PCDH15: variants seen among roughly 807,000 people sequenced by gnomAD.
PCDH15 encodes the protein protocadherin-15.
PCDH15 carries 129 observed loss-of-function variants against 178.5 expected under a neutral mutation model. The ratio of observed to expected loss-of-function variants is 0.72; its 90% confidence interval spans 0.63 to 0.84. PCDH15 has a LOEUF of 0.84. Ranked by LOEUF, PCDH15 falls within the 40% of genes least tolerant of loss-of-function variation. The probability of loss-of-function intolerance (pLI) is 0.00; values close to 1 mark genes in which losing one functional copy is unlikely to be tolerated. For missense variants in PCDH15, 2,230 were observed against 2,099.9 expected (o/e 1.06, Z -1.21); for synonymous variants, 800 against 732.0 (o/e 1.09, Z -1.50).
At chr10:55,495,965 G>A (rs1196793256) in intron 2 of PCDH15, among the ~76,000 whole-genome samples, 1 of 151,802 alleles carries the variant, frequency 6.6e-6, no homozygotes, top group African/African-American at 2.4e-5. Context: ...GTTTACAATA[G>A]GCAAATCTAT....
intron 26 of PCDH15, among the ~76,000 whole-genome samples, chr10:53,877,908 A>G (rs1259320082): frequency 6.6e-6 from 1 of 151,826 alleles, no homozygotes; most frequent in African/African-American, 2.4e-5. Context: ...CTCACTTTTA[A>G]CTCTAGCGAT....
intron 32 of PCDH15, chr10:53,823,577 G>GAA: frequency 1.6e-6 from 1 of 640,788 alleles, no homozygotes; most frequent in Non-Finnish European, 2.8e-6. Context: ...AAATGTAAAT[G>GAA]AAAAAAAAAG....
At chr10:53,998,842 A>T (rs1489625995) in intron 20 of PCDH15, among the ~76,000 whole-genome samples, 1 of 152,018 alleles carries the variant, frequency 6.6e-6, no homozygotes, top group Admixed American at 6.6e-5. Context: ...ACCCAAGGTC[A>T]GGAGTTCGAG....
At chr10:54,673,723 C>A (rs2094723750) in intron 1 of PCDH15, among the ~76,000 whole-genome samples, 1 of 152,124 alleles carries the variant, frequency 6.6e-6, no homozygotes, top group African/African-American at 2.4e-5. Flanking sequence ...CAGGTGTGAG[C>A]CACTGTGCCC....
intron 21 of PCDH15, among the ~76,000 whole-genome samples, chr10:53,966,258 C>A (rs2089004454): frequency 6.6e-6 from 1 of 152,134 alleles, no homozygotes; most frequent in African/African-American, 2.4e-5. Context: ...CATTTTGATT[C>A]TTTTATCACC....
chr10:54,230,130 A>C (rs539768376), intron 9 of PCDH15, among the ~76,000 whole-genome samples: 1 of 152,322 alleles, frequency 6.6e-6, no homozygotes, highest in South Asian at 2.1e-4. Flanking sequence ...TAAATGGACT[A>C]TTTTAAATAA....
chr10:54,839,057 CT>C (rs1953371565), intron 3 of PCDH15, among the ~76,000 whole-genome samples: 1 of 152,132 alleles, frequency 6.6e-6, no homozygotes, highest in Non-Finnish European at 1.5e-5. Flanking sequence ...TAAAACCAGT[CT>C]GTAAAGGCTA....
intron 29 of PCDH15, among the ~76,000 whole-genome samples, chr10:53,835,529 CA>C (rs11438772): frequency 4.0e-5 from 6 of 151,046 alleles, no homozygotes; most frequent in South Asian, 4.2e-4. Context: ...ACAATGTGAG[CA>C]AAAAAAACCA....
intron 2 of PCDH15, among the ~76,000 whole-genome samples, chr10:55,359,822 A>T (rs529578016): frequency 8.6e-5 from 13 of 151,036 alleles, no homozygotes; most frequent in African/African-American, 3.2e-4. Flanking sequence ...AAAGAAGGAG[A>T]TTCTGTCATT....
chr10:54,757,492 A>G (rs1340851442), intron 1 of PCDH15, among the ~76,000 whole-genome samples: 1 of 105,046 alleles, frequency 9.5e-6, no homozygotes, highest in Non-Finnish European at 2.0e-5. Flanking sequence ...CGTGTCAGCC[A>G]GGATGGTCTC....
chr10:54,457,367 C>T lies in PCDH15; in HGVS notation c.157+70445G>A, dbSNP rs868264091. On this transcript the variant is annotated intron_variant, in intron 3 of 37. Coordinates refer to ENST00000644397, the MANE Select transcript of PCDH15 (RefSeq NM_001384140.1). ...CATAATGTAATGTACTGTTTGACAG[C>T]CAAAGACTTTAACAATGTCCTATTC... 4.6e-5 allele frequency among the ~76,000 whole-genome samples: 7 copies of T among 152,252 alleles called. No homozygotes were observed. The East Asian group carries it at 1.2e-3, about 25-fold the overall frequency.
intron 2 of PCDH15, among the ~76,000 whole-genome samples, chr10:54,911,837 A>G (rs1048519678): frequency 1.3e-5 from 2 of 152,128 alleles, no homozygotes; most frequent in Admixed American, 1.3e-4. Context: ...ACCTTCTGTC[A>G]TGATTATAAG....
At chr10:54,798,179 C>T (rs1176385369) in intron 1 of PCDH15, among the ~76,000 whole-genome samples, 1 of 151,846 alleles carries the variant, frequency 6.6e-6, no homozygotes, top group Admixed American at 6.6e-5. Flanking sequence ...AAATTACTCA[C>T]ATTAGCTTTT....
chr10:55,492,244 A>T (rs1450706979), intron 2 of PCDH15, among the ~76,000 whole-genome samples: 1 of 151,722 alleles, frequency 6.6e-6, no homozygotes, highest in Non-Finnish European at 1.5e-5. Flanking sequence ...AGAAAAAAAA[A>T]TTATCTCTCA....
intron 2 of PCDH15, among the ~76,000 whole-genome samples, chr10:54,542,090 C>T (rs1395395750): frequency 6.6e-6 from 1 of 152,084 alleles, no homozygotes; most frequent in Non-Finnish European, 1.5e-5. Flanking sequence ...CCTTAGCTGT[C>T]CAGTTGTGAC....
intron 2 of PCDH15, among the ~76,000 whole-genome samples, chr10:55,166,323 G>A (rs1839195610): frequency 6.6e-6 from 1 of 152,068 alleles, no homozygotes; most frequent in Non-Finnish European, 1.5e-5. Context: ...TGTTTTAAAT[G>A]TACTAAAAGA....
intron 1 of PCDH15, among the ~76,000 whole-genome samples, chr10:55,318,258 G>A (rs1369484290): frequency 6.6e-6 from 1 of 152,136 alleles, no homozygotes; most frequent in Non-Finnish European, 1.5e-5. Flanking sequence ...ATGAGTATGT[G>A]TTGGGGGCAG....
intron 1 of PCDH15, among the ~76,000 whole-genome samples, chr10:55,282,675 GTAAT>G (rs1392860654): frequency 1.3e-5 from 2 of 151,100 alleles, no homozygotes; most frequent in Middle Eastern, 3.4e-3. Context: ...AAATGATTAA[GTAAT>G]TAATTAAAAT....
intron 1 of PCDH15, among the ~76,000 whole-genome samples, chr10:54,779,402 ATATG>A (rs1412561028): frequency 1.9e-4 from 15 of 80,934 alleles, no homozygotes; most frequent in Non-Finnish European, 4.2e-4. Context: ...CTCTATATAT[ATATG>A]TATATATATA....
Sources: allele counts gnomAD v4.1 joint callset (sites outside exome capture counted in the v4.1 genomes callset), GRCh38; gene constraint gnomAD v4.1.1; transcripts MANE v1.5; gene names NCBI Gene and HGNC (gene_info 2026-07-23, HGNC 2026-07-21).